SYF2: variants seen among roughly 807,000 people sequenced by gnomAD.
SYF2 encodes SYF2 pre-mRNA splicing factor, also known as pre-mRNA-splicing factor SYF2.
A neutral mutation model predicts 32.7 loss-of-function variants in SYF2; 21 were observed. That is an observed-to-expected ratio of 0.64 (90% CI 0.45 to 0.92). SYF2 has a LOEUF of 0.92. Ranked by LOEUF, SYF2 falls within the 40% of genes least tolerant of loss-of-function variation. The pLI is 0.00. For synonymous variants in SYF2, 114 were observed against 103.9 expected (o/e 1.10, Z -0.59); for missense variants, 278 against 296.5 (o/e 0.94, Z 0.46).
chr1:25,227,196 T>C (rs1053237239), intron 5 of SYF2, among the ~76,000 whole-genome samples: 1 of 152,006 alleles, frequency 6.6e-6, no homozygotes, highest in African/African-American at 2.4e-5. Context: ...GGCAGAAGAA[T>C]TGCTTGAACC....
At chr1:25,227,611 C>T (rs1189458805) in intron 4 of SYF2, 79 bp from the exon 5 acceptor site, 1 of 1,271,528 alleles carries the variant, frequency 7.9e-7, no homozygotes, top group African/African-American at 1.5e-5. Context: ...TCTAAATTAT[C>T]ACAGGTGAGT....
rs1320099408 is a variant in SYF2 at position 25,229,088 on chromosome 1, C to T, written c.168G>A (p.Val56=). The change falls in exon 3 of 7, where the codon GTG becomes GTA. Residue 56 remains valine (V), a synonymous_variant. Transcript: ENST00000236273. ...GTAATTTTAGTCTTTTATCTTCTTC[C>T]ACAACTTCCTGGTGATTTAATTTAC... is the stretch of plus-strand genomic sequence containing the variant. The part of the protein sequence containing the change: ...EARKLNHQEV[V]EEDKRLKLPA... 6.2e-7 allele frequency: 1 copy of T among 1,613,660 alleles called. No individual in the cohort carries two copies. Among genetic ancestry groups the T allele is most frequent in the Non-Finnish European group, 8.5e-7 (1 of 1,179,930 alleles).
chr1:25,223,237 C>G lies in SYF2; in HGVS notation c.*29G>C. The G allele has an allele frequency of 1.9e-6, 3 of 1,550,978 alleles. No homozygotes were observed. Among genetic ancestry groups the G allele is most frequent in the Non-Finnish European group, 2.6e-6 (3 of 1,149,742 alleles). On this transcript the variant is annotated 3_prime_UTR_variant, in exon 7 of 7. Coordinates refer to ENST00000236273, the MANE Select transcript of SYF2 (RefSeq NM_015484.5). ...CTAGCAGAAATTTTTACCCCATTCT[C>G]AAGCTTCTATAAACAGTTCTTGAAG...
chr1:25,227,648 G>T, intron 4 of SYF2, 116 bp from the exon 5 acceptor site: 2 of 881,066 alleles, frequency 2.3e-6, no homozygotes, highest in African/African-American at 1.7e-5. Context: ...GCTTGGAATC[G>T]GAAGTGTTTC....
intron 1 of SYF2, 36 bp from the exon 2 acceptor site, chr1:25,232,247 C>T: frequency 4.4e-6 from 7 of 1,594,996 alleles, no homozygotes; most frequent in Non-Finnish European, 6.0e-6. Context: ...GCAGAGCCGG[C>T]TCAGCTTCTC....
intron 2 of SYF2, chr1:25,231,469 A>C (rs1199970116): frequency 1.3e-5 from 2 of 152,572 alleles, no homozygotes; most frequent in Admixed American, 6.5e-5. Context: ...GCTTTCAAAC[A>C]GTAGTTTAGG....
intron 6 of SYF2, among the ~76,000 whole-genome samples, chr1:25,223,694 G>T (rs1638450839): frequency 1.3e-5 from 2 of 152,118 alleles, no homozygotes; most frequent in Admixed American, 1.3e-4. Context: ...CTGTACTGAA[G>T]AAGATAACTA....
At chr1:25,223,533 G>A in intron 6 of SYF2, 102 bp from the exon 7 acceptor site, 1 of 1,176,106 alleles carries the variant, frequency 8.5e-7, no homozygotes, top group South Asian at 1.5e-5. Flanking sequence ...AATAGCACAT[G>A]TTGTGAGGGC....
chr1:25,225,749 T>C (rs1356563392), intron 5 of SYF2, among the ~76,000 whole-genome samples: 1 of 149,340 alleles, frequency 6.7e-6, no homozygotes, highest in East Asian at 2.0e-4. Flanking sequence ...TCCCAGCTAC[T>C]TGGGAGGCTG....
intron 3 of SYF2, 24 bp from the exon 4 acceptor site, chr1:25,228,259 A>T: frequency 6.4e-7 from 1 of 1,563,310 alleles, no homozygotes; most frequent in East Asian, 2.2e-5. Flanking sequence ...AAAAGCTGAC[A>T]CCTACAATTA....
At chr1:25,227,984 G>T in intron 4 of SYF2, 134 bp downstream of exon 4, 1 of 678,670 alleles carries the variant, frequency 1.5e-6, no homozygotes, top group Non-Finnish European at 2.5e-6. Context: ...AGACATATTT[G>T]TACTTTTCTT....
In SYF2 at chr1:25,228,265, A is replaced by G. The variant is rs1247240043; in HGVS notation, c.259-30T>C. On this transcript the variant is annotated intron_variant, in intron 3 of 6. Transcript: ENST00000236273. Reference sequence around the variant, plus strand: ...AAAGAAGAAAAAAGCTGACACCTACAATTATGATACATGCAATAATTTGAT... The same window carrying G: ...AAAGAAGAAAAAAGCTGACACCTACGATTATGATACATGCAATAATTTGAT... The G allele has an allele frequency of 4.6e-6, 7 of 1,529,996 alleles. No homozygotes were observed. In the South Asian group the frequency reaches 7.9e-5, roughly 17 times the overall value. The allele number at this position is 1,529,996 out of a possible 1,614,324, so 94.8% of individuals were successfully genotyped here.
intron 5 of SYF2, among the ~76,000 whole-genome samples, chr1:25,225,510 AAAGT>A (rs773912203): frequency 3.3e-5 from 5 of 151,594 alleles, no homozygotes; most frequent in Non-Finnish European, 5.9e-5. Context: ...CTTGGGCGAC[AAAGT>A]AAGACTCCGT....
chr1:25,231,222 AT>A (rs2124514156), intron 2 of SYF2: 1 of 152,336 alleles, frequency 6.6e-6, no homozygotes, highest in Non-Finnish European at 1.5e-5. Context: ...CATTCTTGTA[AT>A]TTGAAAAGTC....
rs200845697 is a variant in SYF2 at position 25,225,074 on chromosome 1, T to C, written c.494A>G (p.Asn165Ser). 151 of 1,614,056 alleles carry C rather than the reference T, an allele frequency of 9.4e-5. 1 individual carries two copies. The East Asian group carries it at 2.5e-3, about 27-fold the overall frequency. ...KHGEEFFPTS[N>S]SLLHGTHVPS... ...CACATGTGTTCCATGAAGAAGACTA[T>C]TGGATGTTGGGAAAAACTCTTCTCC... The change falls in exon 6 of 7, where the codon AAT becomes AGT. Residue 165 changes from asparagine (N) to serine (S), a missense_variant. Physicochemically the swap from Asn to Ser is conservative, Grantham distance 46. Coordinates refer to ENST00000236273, the MANE Select transcript of SYF2 (RefSeq NM_015484.5).
intron 3 of SYF2, 60 bp downstream of exon 3, chr1:25,228,938 G>A: frequency 6.4e-7 from 1 of 1,567,856 alleles, no homozygotes; most frequent in Non-Finnish European, 8.6e-7. Context: ...CCATGTTGTA[G>A]TGTCTTGATA....
At position 25,232,463 on chromosome 1, in the gene SYF2, G is replaced by T. The variant is rs774394945; in HGVS notation, c.5C>A (p.Ala2Glu). ...ACTCACCTCGGATGCAGCTATAGCCGCCATCACAACCTTTCTCTCTTCCCA... is the reference window on the plus strand; with the variant it reads ...ACTCACCTCGGATGCAGCTATAGCCTCCATCACAACCTTTCTCTCTTCCCA... M[A>E]AIAASEVLVD... Residue 2 changes from alanine (A) to glutamate (E), a missense_variant, in exon 1 of 7, where the codon GCG becomes GAG. Ala to Glu is a moderately radical substitution (Grantham distance 107, BLOSUM62 -1). Coordinates refer to ENST00000236273, the MANE Select transcript of SYF2 (RefSeq NM_015484.5). 48 of 1,614,048 alleles carry T rather than the reference G, an allele frequency of 3.0e-5. No individual in the cohort carries two copies. The highest frequency in any genetic ancestry group is 3.6e-5 in the Non-Finnish European group (43 of 1,180,036).
At position 25,222,338 on chromosome 1, in the gene SYF2, A is replaced by G. The variant is rs1309479924; in HGVS notation, c.*928T>C. Among the ~76,000 whole-genome samples, 1 of 152,200 alleles carries G rather than the reference A, an allele frequency of 6.6e-6. No individual in the cohort carries two copies. Among genetic ancestry groups the G allele is most frequent in the African/African-American group, 2.4e-5 (1 of 41,458 alleles). On this transcript the variant is annotated 3_prime_UTR_variant, in exon 7 of 7. Coordinates refer to ENST00000236273, the MANE Select transcript of SYF2 (RefSeq NM_015484.5). The stretch of plus-strand genomic sequence containing the variant: ...TAACAACCTTTCCCTCTGGAGTTTT[A>G]TAAAAATAAATCTATTGCAGTGATA...
intron 6 of SYF2, 111 bp from the exon 7 acceptor site, chr1:25,223,542 G>T: frequency 1.9e-6 from 2 of 1,035,652 alleles, no homozygotes; most frequent in Non-Finnish European, 2.8e-6. Context: ...TGTTGTGAGG[G>T]CTAGAGGAAG....
Sources: allele counts gnomAD v4.1 joint callset (sites outside exome capture counted in the v4.1 genomes callset), GRCh38; gene constraint gnomAD v4.1.1; transcripts MANE v1.5; gene names NCBI Gene and HGNC (gene_info 2026-07-23, HGNC 2026-07-21).